B4GALNT3: variants seen among roughly 807,000 people sequenced by gnomAD.
B4GALNT3 encodes the protein beta-1,4-N-acetyl-galactosaminyltransferase 3.
Under a neutral mutation model 120.2 loss-of-function variants are expected in B4GALNT3, and 86 were observed. The ratio of observed to expected loss-of-function variants is 0.72; its 90% confidence interval spans 0.60 to 0.86. The LOEUF (loss-of-function observed/expected upper bound fraction) is 0.86, where lower values mean the gene tolerates loss of function less well. B4GALNT3 is among the 40% of genes least tolerant of loss of function. B4GALNT3 has a pLI of 0.00. For missense variants in B4GALNT3, 1,167 were observed against 1,298.9 expected, an observed-to-expected ratio of 0.90 and a Z score of 1.56; for synonymous variants, 518 against 510.4, an observed-to-expected ratio of 1.01 and a Z score of -0.20.
intron 1 of B4GALNT3, among the ~76,000 whole-genome samples, chr12:516,006 C>T (rs565695486): frequency 7.9e-5 from 12 of 152,092 alleles, no homozygotes; most frequent in South Asian, 2.1e-4. Flanking sequence ...ATTAGCCAGG[C>T]GTGGTGGCGG....
intron 1 of B4GALNT3, among the ~76,000 whole-genome samples, chr12:518,142 A>C (rs916350734): frequency 2.0e-5 from 3 of 152,176 alleles, no homozygotes; most frequent in Non-Finnish European, 2.9e-5. Flanking sequence ...GGGTGAAACA[A>C]CTGGGCTTTA....
At chr12:551,559 G>A (rs182241949) in intron 11 of B4GALNT3, among the ~76,000 whole-genome samples, 1 of 152,366 alleles carries the variant, frequency 6.6e-6, no homozygotes, top group African/African-American at 2.4e-5. Flanking sequence ...GCAGAAGAAA[G>A]AGGTCAGGAG....
At chr12:484,827 G>A (rs1946275397) in intron 1 of B4GALNT3, among the ~76,000 whole-genome samples, 1 of 151,644 alleles carries the variant, frequency 6.6e-6, no homozygotes, top group Admixed American at 6.6e-5. Flanking sequence ...ACTCGTTTTG[G>A]TTTGGAGGAT....
At chr12:559,241 C>CTT in intron 18 of B4GALNT3, 54 bp from the exon 19 acceptor site, 4 of 1,610,014 alleles carry the variant, frequency 2.5e-6, no homozygotes, top group Non-Finnish European at 3.4e-6. Flanking sequence ...AGCCTCCTTC[C>CTT]TTCCTCCTCC....
At position 460,023 on chromosome 12, in the gene B4GALNT3, G is replaced by A. The variant is rs749047853; in HGVS notation, c.-354G>A. 0.021 allele frequency among the ~76,000 whole-genome samples: 3,206 copies of A among 151,038 alleles called. 66 individuals are homozygous for A. Among genetic ancestry groups the A allele is most frequent in the South Asian group, 0.062 (298 of 4,802 alleles). ...GGGCGGAGGCAGGCGGGCGGGCGCC[G>A]GGGAAGCCTCCTTCTGGGCAGCGAG... On this transcript the variant is annotated 5_prime_UTR_variant, in exon 1 of 20. Coordinates refer to ENST00000266383, the MANE Select transcript of B4GALNT3 (RefSeq NM_173593.4). This position sits in a 1 kb window ranked among gnomAD's most constrained non-coding sequence, Gnocchi z 8.0.
At chr12:529,519 C>T (rs193267096) in intron 1 of B4GALNT3, among the ~76,000 whole-genome samples, 1 of 152,312 alleles carries the variant, frequency 6.6e-6, no homozygotes, top group Admixed American at 6.5e-5. Context: ...GATACTACTC[C>T]CAGCGTAGAT....
chr12:543,131 GTA>G (rs1565607082), intron 3 of B4GALNT3: 2 of 1,289,444 alleles, frequency 1.6e-6, no homozygotes, highest in East Asian at 1.1e-4. Flanking sequence ...TCCAGGGAGA[GTA>G]TGTGTGTGTG....
intron 15 of B4GALNT3, 54 bp from the exon 16 acceptor site, chr12:557,554 C>G: frequency 6.4e-7 from 1 of 1,563,458 alleles, no homozygotes; most frequent in Non-Finnish European, 8.7e-7. Flanking sequence ...GGCGCTCATC[C>G]GCTCATCTTT....
chr12:481,091 G>A (rs1223809591), intron 1 of B4GALNT3, among the ~76,000 whole-genome samples: 1 of 152,246 alleles, frequency 6.6e-6, no homozygotes, highest in Non-Finnish European at 1.5e-5. Flanking sequence ...CTGAGGGAAG[G>A]CGAGGTGGGA....
At position 561,490 on chromosome 12, in the gene B4GALNT3, G is replaced by A. The variant is rs1592061914; in HGVS notation, c.*39G>A. 1 of 1,493,266 alleles carries A rather than the reference G, an allele frequency of 6.7e-7. No individual in the cohort carries two copies. The highest frequency in any genetic ancestry group is 9.2e-7 in the Non-Finnish European group (1 of 1,084,068). 92.5% of individuals were successfully genotyped at this position (1,493,266 alleles called of 1,614,324 possible). A position where few individuals can be genotyped will look rare whatever the true frequency, so the allele number is the denominator to read the frequency against. ...GCGGGGCCCAGCACTCCCCGCTCTGGACTAGCAGTGGCTCCCCAGGGCCCT... is the reference window on the plus strand; with the variant it reads ...GCGGGGCCCAGCACTCCCCGCTCTGAACTAGCAGTGGCTCCCCAGGGCCCT... On this transcript the variant is annotated 3_prime_UTR_variant, in exon 20 of 20. Coordinates refer to ENST00000266383, the MANE Select transcript of B4GALNT3 (RefSeq NM_173593.4).
chr12:512,347 CACCTTCCGCCTTCG>C (rs1946591648), intron 1 of B4GALNT3, among the ~76,000 whole-genome samples: 1 of 141,794 alleles, frequency 7.1e-6, no homozygotes, highest in Non-Finnish European at 1.5e-5. Flanking sequence ...TTCCACCTTC[CACCTTCCGCCTTCG>C]ACCTTCTTCC....
chr12:516,849 G>A (rs1244423558), intron 1 of B4GALNT3, among the ~76,000 whole-genome samples: 1 of 152,168 alleles, frequency 6.6e-6, no homozygotes, highest in Non-Finnish European at 1.5e-5. Flanking sequence ...CTGGAGTGGT[G>A]GAGACGGAGG....
intron 1 of B4GALNT3, among the ~76,000 whole-genome samples, chr12:477,375 A>T (rs918006042): frequency 1.3e-5 from 2 of 152,202 alleles, no homozygotes; most frequent in African/African-American, 2.4e-5. Flanking sequence ...TTGGGGGTGG[A>T]TCATGCATGT....
At chr12:463,567 CTAA>C (rs1434853673) in intron 1 of B4GALNT3, among the ~76,000 whole-genome samples, 6 of 152,112 alleles carry the variant, frequency 3.9e-5, no homozygotes, top group Non-Finnish European at 2.9e-5. Context: ...AGGAGGAAAG[CTAA>C]GGTGCCTATA....
At chr12:493,576 G>A (rs980231328) in intron 1 of B4GALNT3, among the ~76,000 whole-genome samples, 1 of 137,038 alleles carries the variant, frequency 7.3e-6, no homozygotes, top group Non-Finnish European at 1.5e-5. Context: ...CTTCTGTACA[G>A]TGTTGAAATA....
intron 12 of B4GALNT3, 129 bp downstream of exon 12, chr12:552,292 TACACACACACACACACACAC>T (rs10604398): frequency 8.8e-5 from 55 of 627,204 alleles, no homozygotes; most frequent in Middle Eastern, 3.7e-4. Flanking sequence ...TCCTGAGTAC[TACACACACACACACACACAC>T]ACACACACAC....
intron 1 of B4GALNT3, among the ~76,000 whole-genome samples, chr12:478,617 G>A (rs1946207163): frequency 6.6e-6 from 1 of 152,176 alleles, no homozygotes; most frequent in South Asian, 2.1e-4. Context: ...GATTCTTCTA[G>A]CAGCTTTTTC....
intron 1 of B4GALNT3, among the ~76,000 whole-genome samples, chr12:484,164 C>T (rs1344116738): frequency 2.0e-5 from 3 of 152,222 alleles, no homozygotes; most frequent in Admixed American, 6.5e-5. Context: ...CAGGAGCACA[C>T]GATCCCTGTT....
At chr12:500,064 G>A (rs1189741716) in intron 1 of B4GALNT3, among the ~76,000 whole-genome samples, 3 of 152,130 alleles carry the variant, frequency 2.0e-5, no homozygotes, top group Non-Finnish European at 4.4e-5. Flanking sequence ...ATCCTCTAAC[G>A]TTAGGATTTT....
Sources: gnomAD v4.1 joint callset for allele counts (sites outside exome capture counted in the v4.1 genomes callset) on GRCh38, gnomAD v4.1.1 for gene constraint, Gnocchi (gnomAD v3.1) non-coding constraint, MANE v1.5 for transcripts, NCBI Gene and HGNC (gene_info 2026-07-23, HGNC 2026-07-21) for gene names.